VNN2: variants seen among roughly 807,000 people sequenced by gnomAD.
The protein encoded by VNN2 is vanin 2, also known as pantetheine hydrolase VNN2.
VNN2 carries 43 observed loss-of-function variants against 43.0 expected under a neutral mutation model. The ratio of observed to expected loss-of-function variants is 1.00; its 90% confidence interval spans 0.78 to 1.29. VNN2 has a LOEUF of 1.29. Among genes scored for constraint, VNN2 ranks in the 50% most tolerant of loss-of-function variants. The pLI, the probability that VNN2 is intolerant of heterozygous loss-of-function variation, is 0.00. For missense variants in VNN2, 652 were observed against 619.7 expected (o/e 1.05, Z -0.55); for synonymous variants, 230 against 224.3 (o/e 1.03, Z -0.23).
rs559231933 is a variant in VNN2, at chr6:132,757,186, C to A, written c.344+230G>T. Reference sequence around the variant, plus strand: ...AGATCTCTTCCCTTAGTTTTTCTTGCAGGAATACCCTATTTACACATTTTC... The same window carrying A: ...AGATCTCTTCCCTTAGTTTTTCTTGAAGGAATACCCTATTTACACATTTTC... On this transcript the variant is annotated intron_variant, in intron 2 of 6. Transcript: ENST00000326499. 5.9e-5 allele frequency among the ~76,000 whole-genome samples: 9 copies of A among 152,266 alleles called. 1 individual carries two copies. The Middle Eastern group carries it at 0.01, about 173-fold the overall frequency.
At chr6:132,749,920 C>T in intron 5 of VNN2, 55 bp from the exon 6 acceptor site, 1 of 1,490,230 alleles carries the variant, frequency 6.7e-7, no homozygotes, top group Non-Finnish European at 9.1e-7. Flanking sequence ...GTTACTCATA[C>T]CAGAAATGTT....
chr6:132,756,550 C>T (rs1373192012), intron 2 of VNN2, among the ~76,000 whole-genome samples: 2 of 151,252 alleles, frequency 1.3e-5, no homozygotes, highest in Non-Finnish European at 2.9e-5. Flanking sequence ...CTGATCTCAT[C>T]TTAACTTTTC....
At chr6:132,758,237 G>A (rs1467082525), upstream of VNN2, among the ~76,000 whole-genome samples, 2 of 151,504 alleles carry the variant, frequency 1.3e-5, no homozygotes, top group Non-Finnish European at 2.9e-5. Context: ...TAGAGATGGG[G>A]TTTCACAATA....
chr6:132,745,222 T>C (rs1032903236), intron 6 of VNN2, among the ~76,000 whole-genome samples: 4 of 152,240 alleles, frequency 2.6e-5, no homozygotes, highest in Middle Eastern at 3.4e-3. Context: ...ATTCTTTTTT[T>C]CCCCCTTTTT....
Position 132,752,583 on chromosome 6 carries a change from G to C in VNN2, c.704C>G (p.Pro235Arg). Reference protein sequence around the residue: ...KDFHVDTILFPTAWMNVLPLL... With the variant: ...KDFHVDTILFRTAWMNVLPLL... ...GGGCAAAACGTTCATCCAAGCTGTGGGAAACAGTATGGTGTCCACATGGAA... is the reference window on the plus strand; with the variant it reads ...GGGCAAAACGTTCATCCAAGCTGTGCGAAACAGTATGGTGTCCACATGGAA... The change falls in exon 4 of 7, where the codon CCC becomes CGC. Residue 235 changes from proline (P) to arginine (R), a missense_variant. Pro to Arg is a moderately radical substitution (Grantham distance 103). Coordinates refer to ENST00000326499, the MANE Select transcript of VNN2 (RefSeq NM_004665.6). The C allele has an allele frequency of 6.2e-7, 1 of 1,614,102 alleles. No individual in the cohort carries two copies. The highest frequency in any genetic ancestry group is 1.7e-5 in the Admixed American group (1 of 60,014).
At chr6:132,747,925 T>C (rs1779816643) in intron 6 of VNN2, among the ~76,000 whole-genome samples, 2 of 152,310 alleles carry the variant, frequency 1.3e-5, no homozygotes, top group Middle Eastern at 3.4e-3. Context: ...ACTCTAGCAT[T>C]TTTTTGTCCT....
At chr6:132,748,834 G>A (rs1361963858) in intron 6 of VNN2, among the ~76,000 whole-genome samples, 2 of 152,204 alleles carry the variant, frequency 1.3e-5, no homozygotes, top group South Asian at 2.1e-4. Context: ...AGGAGGCTGA[G>A]GCAGGAGGAT....
At chr6:132,744,797 C>G (rs1182914764) in intron 6 of VNN2, among the ~76,000 whole-genome samples, 1 of 152,162 alleles carries the variant, frequency 6.6e-6, no homozygotes, top group East Asian at 1.9e-4. Context: ...AGTTATACAT[C>G]ACATCCTTCC....
upstream of VNN2, among the ~76,000 whole-genome samples, chr6:132,758,435 A>T (rs1780633045): frequency 6.6e-6 from 1 of 152,200 alleles, no homozygotes; most frequent in Non-Finnish European, 1.5e-5. Context: ...TATTACAGGG[A>T]TTGAACAGCA....
chr6:132,747,154 A>C, intron 6 of VNN2, among the ~76,000 whole-genome samples: 1 of 152,222 alleles, frequency 6.6e-6, no homozygotes, highest in Non-Finnish European at 1.5e-5. Flanking sequence ...CCTTCCTTCC[A>C]TCTAAGAAGG....
At position 132,752,458 on chromosome 6, in the gene VNN2, T is replaced by C; in HGVS notation, c.826+3A>G. ...GATGAAACCTAACCTGGTCATGAAT[T>C]ACCTGTCATATTTAGGCTGACATGA... On this transcript the variant is annotated splice_donor_region_variant and intron_variant, in intron 4 of 6. Transcript: ENST00000326499. 6.2e-7 allele frequency: 1 copy of C among 1,609,922 alleles called. No homozygotes were observed. The highest frequency in any genetic ancestry group is 8.5e-7 in the Non-Finnish European group (1 of 1,177,454).
chr6:132,746,290 A>C (rs1779712230), intron 6 of VNN2, among the ~76,000 whole-genome samples: 1 of 152,212 alleles, frequency 6.6e-6, no homozygotes, highest in Admixed American at 6.5e-5. Flanking sequence ...TTGAGGATAC[A>C]CAACAAGTGT....
chr6:132,746,480 G>A (rs755155508), intron 6 of VNN2, among the ~76,000 whole-genome samples: 2 of 152,102 alleles, frequency 1.3e-5, no homozygotes, highest in Non-Finnish European at 2.9e-5. Flanking sequence ...ATTCACAGAA[G>A]GGCCATGCCC....
At chr6:132,759,952 T>A (rs12194625), upstream of VNN2, among the ~76,000 whole-genome samples, 6,726 of 152,252 alleles carry the variant, frequency 0.044, 212 homozygotes, top group Middle Eastern at 0.058. Flanking sequence ...TATAATAGAT[T>A]ATGAGTGCTG....
chr6:132,759,263 C>G (rs775294349), upstream of VNN2, among the ~76,000 whole-genome samples: 2 of 151,450 alleles, frequency 1.3e-5, no homozygotes, highest in African/African-American at 2.4e-5. Flanking sequence ...ATAGTGGAAC[C>G]CCCCATCTCT....
Position 132,757,497 on chromosome 6 carries a change from A to C in VNN2, c.263T>G (p.Phe88Cys). 1 of 1,614,076 alleles carries C rather than the reference A, an allele frequency of 6.2e-7. No individual in the cohort carries two copies. The highest frequency in any genetic ancestry group is 8.5e-7 in the Non-Finnish European group (1 of 1,179,976). ...ATAAGGGAAAACAGTTTCCCTGGTA[A>C]ATTTCCATCCATAAAGTGCATCTTC... ...TPEDALYGWK[F>C]TRETVFPYLE... The change falls in exon 2 of 7, where the codon TTT (phenylalanine) becomes TGT (cysteine). Residue 88 changes from phenylalanine to cysteine, a missense_variant. Physicochemically the swap from Phe to Cys is radical, Grantham distance 205. Coordinates refer to ENST00000326499, the MANE Select transcript of VNN2 (RefSeq NM_004665.6).
chr6:132,759,587 A>AAGTCACGG (rs1780689395), upstream of VNN2, among the ~76,000 whole-genome samples: 1 of 152,088 alleles, frequency 6.6e-6, no homozygotes, highest in South Asian at 2.1e-4. Context: ...CCTTTGGTAA[A>AAGTCACGG]AGTCACGGAA....
Position 132,752,905 on chromosome 6 carries a change from G to A in VNN2, c.538-156C>T, listed in dbSNP as rs912434961. 20 of 717,028 alleles carry A rather than the reference G, an allele frequency of 2.8e-5. No homozygotes were observed. The African/African-American group carries it at 3.4e-4, about 12-fold the overall frequency. 44.4% of individuals were successfully genotyped at this position (717,028 alleles called of 1,614,324 possible). On this transcript the variant is annotated intron_variant, in intron 3 of 6. Coordinates refer to ENST00000326499, the MANE Select transcript of VNN2 (RefSeq NM_004665.6). ...CTGGCAATTGGAAGTAAATTTCTAA[G>A]GAAAATGTGGAGGAATATGTAACAT...
Position 132,749,837 on chromosome 6 carries a change from G to A in VNN2, c.1229C>T (p.Thr410Ile). 1.2e-6 allele frequency: 2 copies of A among 1,613,776 alleles called. No individual in the cohort carries two copies. The highest frequency in any genetic ancestry group is 1.7e-6 in the Non-Finnish European group (2 of 1,179,964). The change falls in exon 6 of 7, where the codon ACT (threonine) becomes ATT (isoleucine). Residue 410 changes from threonine to isoleucine, a missense_variant. Transcript: ENST00000326499. ...QVCTLLKCKT[T>I]NLTTCGRPVE... ...TGGCCGTCCACAAGTTGTCAAATTA[G>A]TAGTTTTGCACTTCAGCAGTGTGCA...
Sources: allele counts gnomAD v4.1 joint callset (sites outside exome capture counted in the v4.1 genomes callset), GRCh38; gene constraint gnomAD v4.1.1; transcripts MANE v1.5; gene names NCBI Gene and HGNC (gene_info 2026-07-23, HGNC 2026-07-21).